The following PTPRN2 variants were observed in gnomAD, a reference collection of about 807,000 sequenced individuals.
The protein encoded by PTPRN2 is receptor-type tyrosine-protein phosphatase N2.
Under a neutral mutation model 118.8 loss-of-function variants are expected in PTPRN2, and 74 were observed. The ratio of observed to expected loss-of-function variants is 0.62; its 90% CI spans 0.52 to 0.76. The LOEUF is 0.76. PTPRN2 is among the 30% of genes least tolerant of loss of function. The pLI, the probability that PTPRN2 is intolerant of heterozygous loss-of-function variation, is 0.00. For synonymous variants in PTPRN2, 641 were observed against 608.0 expected (o/e 1.05, Z -0.80); for missense variants, 1,481 against 1,394.4 (o/e 1.06, Z -0.99).
At chr7:158,352,820 T>C (rs1338254248) in intron 2 of PTPRN2, among the ~76,000 whole-genome samples, 3 of 152,250 alleles carry the variant, frequency 2.0e-5, no homozygotes, top group Non-Finnish European at 4.4e-5. Context: ...AGAGCAGAGA[T>C]AGATTTTTCG....
chr7:157,849,311 G>A (rs1809102180), intron 12 of PTPRN2, among the ~76,000 whole-genome samples: 1 of 152,206 alleles, frequency 6.6e-6, no homozygotes, highest in Admixed American at 6.5e-5. Context: ...CATTCCCAGT[G>A]TGTGAGCTGG....
chr7:158,584,979 G>A (rs1455866660), intron 1 of PTPRN2, among the ~76,000 whole-genome samples: 1 of 152,192 alleles, frequency 6.6e-6, no homozygotes, highest in African/African-American at 2.4e-5. Context: ...CATGTGTTCT[G>A]GAGGCCTCAA....
intron 12 of PTPRN2, among the ~76,000 whole-genome samples, chr7:157,788,148 G>T (rs1352613439): frequency 6.6e-6 from 1 of 152,188 alleles, no homozygotes; most frequent in Non-Finnish European, 1.5e-5. Flanking sequence ...GGCTGAGGCG[G>T]GCGGATCACG....
At chr7:158,369,648 C>T (rs1039168830) in intron 2 of PTPRN2, among the ~76,000 whole-genome samples, 10 of 152,206 alleles carry the variant, frequency 6.6e-5, no homozygotes, top group Admixed American at 3.3e-4. Flanking sequence ...AGGATAAAAA[C>T]GTGAAAACAT....
At chr7:158,223,834 A>T (rs569230695) in intron 3 of PTPRN2, among the ~76,000 whole-genome samples, 5 of 152,296 alleles carry the variant, frequency 3.3e-5, no homozygotes, top group African/African-American at 9.6e-5. Context: ...AAGATAAAAA[A>T]AAAATAAAAG....
At chr7:158,557,755 C>G (rs1423401636) in intron 1 of PTPRN2, among the ~76,000 whole-genome samples, 1 of 152,148 alleles carries the variant, frequency 6.6e-6, no homozygotes, top group Admixed American at 6.5e-5. Context: ...TCCAGAGCAC[C>G]ATGGCGCCTA....
At position 158,526,561 on chromosome 7, in the gene PTPRN2, T is replaced by C. The variant is rs1478019189; in HGVS notation, c.113-36776A>G. On this transcript the variant is annotated intron_variant, in intron 1 of 22. Coordinates refer to ENST00000389418, the MANE Select transcript of PTPRN2 (RefSeq NM_002847.5). The surrounding 1 kb of genome is among the most constrained non-coding windows in gnomAD (Gnocchi z 5.2). ...ATTTCCTGTTTGTGGGTGTGATGGC[T>C]GAGTTGTGCACCCCAAAGTTCATAC... Among the ~76,000 whole-genome samples the C allele has an allele frequency of 6.6e-6, 1 of 152,150 alleles. No homozygotes were observed. The highest frequency in any genetic ancestry group is 6.5e-5 in the Admixed American group (1 of 15,276).
intron 12 of PTPRN2, among the ~76,000 whole-genome samples, chr7:157,853,473 G>A (rs538678212): frequency 1.1e-4 from 16 of 149,222 alleles, no homozygotes; most frequent in African/African-American, 2.5e-4. Flanking sequence ...TCCCTTTGCC[G>A]TCTTCTTTGT....
intron 2 of PTPRN2, among the ~76,000 whole-genome samples, chr7:158,370,253 C>G (rs1217199913): frequency 6.6e-6 from 1 of 151,960 alleles, no homozygotes; most frequent in Non-Finnish European, 1.5e-5. Context: ...GCCTGGCCGA[C>G]ACGGCAAAAC....
rs1195364746 is a variant in PTPRN2 at position 157,868,353 on chromosome 7, A to G, written c.1788+30320T>C. 6.6e-6 allele frequency among the ~76,000 whole-genome samples: 1 copy of G among 152,042 alleles called. No homozygotes were observed. The highest frequency in any genetic ancestry group is 2.4e-5 in the African/African-American group (1 of 41,396). Reference sequence around the variant, plus strand: ...GTCTGAGCTTGTTTCCATCATCTCCACGATGAACGTAGGACACCAGGACAT... The same window carrying G: ...GTCTGAGCTTGTTTCCATCATCTCCGCGATGAACGTAGGACACCAGGACAT... On this transcript the variant is annotated intron_variant, in intron 12 of 22. Coordinates refer to ENST00000389418, the MANE Select transcript of PTPRN2 (RefSeq NM_002847.5). This position sits in a 1 kb window ranked among gnomAD's most constrained non-coding sequence, Gnocchi z 5.2.
At chr7:157,647,039 C>T (rs112537101) in intron 14 of PTPRN2, among the ~76,000 whole-genome samples, 1 of 149,678 alleles carries the variant, frequency 6.7e-6, no homozygotes, top group African/African-American at 2.5e-5. Flanking sequence ...GTGGGTCGGA[C>T]CCATCCAGCG....
intron 2 of PTPRN2, among the ~76,000 whole-genome samples, chr7:158,384,966 G>A (rs574144851): frequency 2.6e-5 from 4 of 152,010 alleles, no homozygotes; most frequent in Non-Finnish European, 4.4e-5. Context: ...TCACCTGCCC[G>A]CCCCCACAGC....
At chr7:157,963,803 T>C (rs1307005938) in intron 11 of PTPRN2, among the ~76,000 whole-genome samples, 3 of 152,260 alleles carry the variant, frequency 2.0e-5, no homozygotes, top group Non-Finnish European at 4.4e-5. Flanking sequence ...AACTCGTTCA[T>C]CTTTCCAGTC....
At chr7:157,558,055 C>T (rs1274565467) in intron 21 of PTPRN2, among the ~76,000 whole-genome samples, 2 of 76,090 alleles carry the variant, frequency 2.6e-5, no homozygotes, top group Non-Finnish European at 6.2e-5. Context: ...GACCTCTGCA[C>T]CCCTGTGCAG....
chr7:158,499,322 G>C (rs1265980090), intron 1 of PTPRN2, among the ~76,000 whole-genome samples: 1 of 152,160 alleles, frequency 6.6e-6, no homozygotes, highest in African/African-American at 2.4e-5. Flanking sequence ...CTCGTCCGCT[G>C]GGCTGCCCAC....
At chr7:158,499,561 G>T (rs556094203) in intron 1 of PTPRN2, among the ~76,000 whole-genome samples, 1 of 152,274 alleles carries the variant, frequency 6.6e-6, no homozygotes, top group East Asian at 1.9e-4. Context: ...AGGCCTAGAG[G>T]TCAGGAGTTC....
chr7:157,842,342 G>A (rs1808483897), intron 12 of PTPRN2, among the ~76,000 whole-genome samples: 1 of 151,368 alleles, frequency 6.6e-6, no homozygotes, highest in Non-Finnish European at 1.5e-5. Context: ...CTGGGGGAAG[G>A]GAGGAGATTT....
chr7:158,109,847 G>A (rs1356922230), intron 10 of PTPRN2, among the ~76,000 whole-genome samples: 3 of 151,942 alleles, frequency 2.0e-5, no homozygotes, highest in African/African-American at 4.8e-5. Context: ...GAGTCAGTGA[G>A]TGAATGACGT....
chr7:157,698,183 C>A (rs1044144685), intron 12 of PTPRN2, among the ~76,000 whole-genome samples: 21 of 152,178 alleles, frequency 1.4e-4, no homozygotes, highest in African/African-American at 5.1e-4. Context: ...AAAATCAATG[C>A]CCTTATTTTA....
Sources: allele counts gnomAD v4.1 joint callset (sites outside exome capture counted in the v4.1 genomes callset), GRCh38; gene constraint gnomAD v4.1.1; non-coding constraint Gnocchi (gnomAD v3.1); transcripts MANE v1.5; gene names NCBI Gene and HGNC (gene_info 2026-07-23, HGNC 2026-07-21).